DENND1A: variants seen among roughly 807,000 people sequenced by gnomAD.
DENND1A encodes the protein DENN domain containing 1A, also known as DENN domain-containing protein 1A.
Under a neutral mutation model 113.7 loss-of-function variants are expected in DENND1A, and 51 were observed. The observed-to-expected ratio is 0.45, with a 90% CI of 0.36 to 0.57. The LOEUF (loss-of-function observed/expected upper bound fraction) is 0.57, where lower values mean the gene tolerates loss of function less well. Among genes scored for constraint, DENND1A ranks in the 20% least tolerant of loss-of-function variants. The pLI is 0.00. For synonymous variants in DENND1A, 565 were observed against 570.8 expected (o/e 0.99, Z 0.14); for missense variants, 1,258 against 1,395.9 (o/e 0.90, Z 1.57).
intron 3 of DENND1A, among the ~76,000 whole-genome samples, chr9:123,780,835 A>C (rs1831204376): frequency 6.6e-6 from 1 of 152,196 alleles, no homozygotes; most frequent in Non-Finnish European, 1.5e-5. Flanking sequence ...TTAAGTAACA[A>C]GTGGAAAGGG....
intron 10 of DENND1A, 109 bp from the exon 11 acceptor site, chr9:123,609,590 T>C (rs2060321044): frequency 8.2e-7 from 1 of 1,220,408 alleles, no homozygotes; most frequent in Non-Finnish European, 1.1e-6. Flanking sequence ...AACGTATGCA[T>C]AGTTACATTT....
At chr9:123,605,637 C>CT (rs1445817367) in intron 11 of DENND1A, among the ~76,000 whole-genome samples, 2 of 152,216 alleles carry the variant, frequency 1.3e-5, no homozygotes, top group Non-Finnish European at 2.9e-5. Flanking sequence ...CAGGTATACA[C>CT]TTGTCACTTT....
intron 13 of DENND1A, among the ~76,000 whole-genome samples, chr9:123,542,933 G>C (rs775731138): frequency 1.4e-4 from 22 of 152,152 alleles, no homozygotes; most frequent in Admixed American, 2.6e-4. Context: ...AATGAAAGTA[G>C]TCTCTGTTGT....
chr9:123,772,275 T>G (rs1829840970), intron 3 of DENND1A, among the ~76,000 whole-genome samples: 2 of 152,184 alleles, frequency 1.3e-5, no homozygotes, highest in African/African-American at 4.8e-5. Flanking sequence ...TATTCGAATA[T>G]GAAAAGTACC....
At chr9:123,607,526 G>C (rs866201319) in intron 11 of DENND1A, among the ~76,000 whole-genome samples, 54 of 105,128 alleles carry the variant, frequency 5.1e-4, no homozygotes, top group African/African-American at 2.0e-3. Context: ...CACACAGAGA[G>C]AGAGAGAGAG....
chr9:123,412,952 G>C (rs933927561), intron 19 of DENND1A, among the ~76,000 whole-genome samples: 2 of 152,252 alleles, frequency 1.3e-5, no homozygotes, highest in Admixed American at 6.5e-5. Context: ...GGGAGGCCAA[G>C]GTGGGCGGAC....
chr9:123,853,905 T>C (rs181226849), intron 2 of DENND1A, among the ~76,000 whole-genome samples: 1 of 152,290 alleles, frequency 6.6e-6, no homozygotes, highest in Non-Finnish European at 1.5e-5. Flanking sequence ...TTAAGAAGCA[T>C]TTCCTTTAGG....
chr9:123,834,642 G>A (rs1840780700), intron 2 of DENND1A, among the ~76,000 whole-genome samples: 1 of 152,154 alleles, frequency 6.6e-6, no homozygotes. Context: ...CATAAGCCCT[G>A]TATATAGCTC....
chr9:123,579,828 T>A (rs1474405804), intron 12 of DENND1A, among the ~76,000 whole-genome samples: 3 of 152,166 alleles, frequency 2.0e-5, no homozygotes, highest in Non-Finnish European at 4.4e-5. Flanking sequence ...AGCTGTGAAT[T>A]CCATTGAAAT....
chr9:123,565,350 C>T (rs1379796257), intron 12 of DENND1A, among the ~76,000 whole-genome samples: 1 of 152,212 alleles, frequency 6.6e-6, no homozygotes, highest in Non-Finnish European at 1.5e-5. Context: ...CATGTCCACC[C>T]TCAGTGCTGG....
intron 13 of DENND1A, among the ~76,000 whole-genome samples, chr9:123,499,925 C>T (rs1452035940): frequency 2.0e-5 from 3 of 152,218 alleles, no homozygotes; most frequent in Admixed American, 6.5e-5. Flanking sequence ...CAGCACAGAG[C>T]GAGCATCCTG....
intron 13 of DENND1A, among the ~76,000 whole-genome samples, chr9:123,467,542 C>T (rs1317727933): frequency 6.6e-6 from 1 of 152,138 alleles, no homozygotes; most frequent in Non-Finnish European, 1.5e-5. Flanking sequence ...GTAATCCCAG[C>T]TACTCAGGAG....
intron 19 of DENND1A, among the ~76,000 whole-genome samples, chr9:123,436,100 G>A (rs1452983372): frequency 1.3e-5 from 2 of 152,244 alleles, no homozygotes; most frequent in Non-Finnish European, 2.9e-5. Flanking sequence ...ATAGCTGTGG[G>A]AAGGAGGAGC....
intron 9 of DENND1A, among the ~76,000 whole-genome samples, chr9:123,641,446 A>G (rs1173605310): frequency 2.6e-5 from 4 of 151,708 alleles, no homozygotes; most frequent in Non-Finnish European, 4.4e-5. Context: ...CAAAAAAAAA[A>G]AAAAAAAAAG....
chr9:123,624,016 T>A (rs2061082743), intron 10 of DENND1A, among the ~76,000 whole-genome samples: 3 of 152,366 alleles, frequency 2.0e-5, no homozygotes, highest in African/African-American at 7.2e-5. Context: ...TCCTCATGTG[T>A]TAATTACACT....
At position 123,424,680 on chromosome 9, in the gene DENND1A, T is replaced by C. The variant is rs572003985; in HGVS notation, c.1489-12851A>G. Reference sequence around the variant, plus strand: ...GGAGAGCCCAGGTTCCAGCATCAGATAGGCCTGGATTTTAATTCTTGCTCT... The same window carrying C: ...GGAGAGCCCAGGTTCCAGCATCAGACAGGCCTGGATTTTAATTCTTGCTCT... On this transcript the variant is annotated intron_variant, in intron 19 of 23. Transcript: ENST00000394215. 3.3e-5 allele frequency among the ~76,000 whole-genome samples: 5 copies of C among 152,308 alleles called. No homozygotes were observed. In the South Asian group the frequency reaches 6.2e-4, roughly 19 times the overall value.
chr9:123,464,764 A>G (rs532975788), intron 13 of DENND1A, among the ~76,000 whole-genome samples: 6 of 152,182 alleles, frequency 3.9e-5, no homozygotes, highest in Middle Eastern at 6.8e-3. Context: ...TTTTTTTTTA[A>G]CTTAAAAAAT....
At chr9:123,673,395 C>G (rs1326503459) in intron 6 of DENND1A, among the ~76,000 whole-genome samples, 2 of 152,324 alleles carry the variant, frequency 1.3e-5, no homozygotes, top group Admixed American at 6.5e-5. Flanking sequence ...AGAGGGAGCA[C>G]TCTTACTGCT....
chr9:123,552,150 C>CCT (rs2057125201), intron 13 of DENND1A, among the ~76,000 whole-genome samples: 2 of 151,996 alleles, frequency 1.3e-5, no homozygotes, highest in Admixed American at 6.5e-5. Context: ...GAGATGCCCA[C>CCT]CTCTGCTTCT....
Sources: allele counts gnomAD v4.1 joint callset (sites outside exome capture counted in the v4.1 genomes callset), GRCh38; gene constraint gnomAD v4.1.1; transcripts MANE v1.5; gene names NCBI Gene and HGNC (gene_info 2026-07-23, HGNC 2026-07-21).